Variants in PLXNA4 observed in about 807,000 individuals in gnomAD.
PLXNA4 encodes the protein plexin-A4.
PLXNA4 carries 44 observed loss-of-function variants against 191.8 expected under a neutral mutation model. That is an observed-to-expected ratio of 0.23 (90% confidence interval 0.18 to 0.29). The LOEUF (loss-of-function observed/expected upper bound fraction) is 0.29, where lower values mean the gene tolerates loss of function less well. Ranked by LOEUF, PLXNA4 falls within the 10% of genes least tolerant of loss-of-function variation. The pLI is 1.00. For missense variants in PLXNA4, 1,800 were observed against 2,488.8 expected (o/e 0.72, Z 5.89); for synonymous variants, 1,082 against 1,009.5 (o/e 1.07, Z -1.36).
At chr7:132,325,153 T>C (rs1343858197) in intron 3 of PLXNA4, among the ~76,000 whole-genome samples, 1 of 152,186 alleles carries the variant, frequency 6.6e-6, no homozygotes, top group Non-Finnish European at 1.5e-5. Flanking sequence ...AAACCCTCAT[T>C]CTGTGGCTCA....
chr7:132,595,508 G>C (rs983560614), intron 2 of PLXNA4, among the ~76,000 whole-genome samples: 2 of 152,160 alleles, frequency 1.3e-5, no homozygotes, highest in African/African-American at 4.8e-5. Flanking sequence ...TCACCAATGA[G>C]TGCTCCAGAG....
chr7:132,474,214 TCA>T (rs56832356), intron 3 of PLXNA4, among the ~76,000 whole-genome samples: 16,907 of 139,986 alleles, frequency 0.12, 871 homozygotes, highest in Middle Eastern at 0.14. Flanking sequence ...TCTCTCTGTC[TCA>T]CACACACACA....
intron 3 of PLXNA4, among the ~76,000 whole-genome samples, chr7:132,381,091 T>C (rs963326544): frequency 2.0e-5 from 3 of 152,282 alleles, no homozygotes; most frequent in Non-Finnish European, 2.9e-5. Context: ...TACAAGATTA[T>C]GGAGTATCTC....
intron 2 of PLXNA4, among the ~76,000 whole-genome samples, chr7:132,593,105 G>A (rs770779074): frequency 2.0e-5 from 3 of 152,276 alleles, no homozygotes; most frequent in South Asian, 2.1e-4. Context: ...ATGATATAGC[G>A]CTTATCTGTT....
chr7:132,508,776 C>G lies in PLXNA4; in HGVS notation c.-83G>C, dbSNP rs1488188397. The G allele has an allele frequency of 3.5e-6, 5 of 1,436,890 alleles. No homozygotes were observed. The Admixed American group carries it at 1.4e-4, about 41-fold the overall frequency. 89.0% of individuals were successfully genotyped at this position (1,436,890 alleles called of 1,614,324 possible). On this transcript the variant is annotated 5_prime_UTR_variant, in exon 2 of 32. Transcript: ENST00000321063. This position sits in a 1 kb window ranked among gnomAD's most constrained non-coding sequence, Gnocchi z 4.4. ...GCCAGGACTCAGCAATGCAGTCTCC[C>G]CTACTGGAGAAAGGGAAGACAATGA...
intron 3 of PLXNA4, among the ~76,000 whole-genome samples, chr7:132,318,349 C>G (rs534621805): frequency 6.6e-6 from 1 of 152,308 alleles, no homozygotes; most frequent in East Asian, 1.9e-4. Flanking sequence ...GCAATACTGC[C>G]CAGAACCCAG....
Position 132,125,024 on chromosome 7 carries a change from A to G in PLXNA4, c.*5455T>C, listed in dbSNP as rs1382242609. On this transcript the variant is annotated 3_prime_UTR_variant, in exon 32 of 32. Coordinates refer to ENST00000321063, the MANE Select transcript of PLXNA4 (RefSeq NM_020911.2). Reference sequence around the variant, plus strand: ...TAATAAAATAATTTTATGGGGGAGCAAAAATTTGTAGTAAAAAAAAAAAAA... The same window carrying G: ...TAATAAAATAATTTTATGGGGGAGCGAAAATTTGTAGTAAAAAAAAAAAAA... The G allele has an allele frequency of 1.3e-5, 2 of 151,958 alleles. No homozygotes were observed. The highest frequency in any genetic ancestry group is 1.3e-4 in the Admixed American group (2 of 15,230). The allele number at this position is 151,958 out of a possible 1,614,324, so 9.4% of individuals were successfully genotyped here.
At chr7:132,164,857 G>C (rs1796056257) in intron 23 of PLXNA4, among the ~76,000 whole-genome samples, 1 of 152,228 alleles carries the variant, frequency 6.6e-6, no homozygotes. Context: ...CTTCAAAGGA[G>C]GATTCAGCTT....
At chr7:132,261,762 A>G (rs1799654199) in intron 4 of PLXNA4, among the ~76,000 whole-genome samples, 1 of 152,194 alleles carries the variant, frequency 6.6e-6, no homozygotes, top group African/African-American at 2.4e-5. Context: ...TCCTCTGGGT[A>G]GCAGCCACTC....
At chr7:132,160,403 C>T (rs1057174344) in intron 24 of PLXNA4, among the ~76,000 whole-genome samples, 1 of 152,192 alleles carries the variant, frequency 6.6e-6, no homozygotes, top group Non-Finnish European at 1.5e-5. Flanking sequence ...AACTGCTTCA[C>T]CAAATTATCT....
chr7:132,159,738 C>T, intron 24 of PLXNA4, 106 bp from the exon 25 acceptor site: 1 of 1,532,966 alleles, frequency 6.5e-7, no homozygotes, highest in Non-Finnish European at 8.8e-7. Context: ...TCATCCTCTC[C>T]AGGATGGGCT....
intron 3 of PLXNA4, 75 bp downstream of exon 3, chr7:132,489,217 G>T (rs1420607993): frequency 2.1e-6 from 3 of 1,449,396 alleles, no homozygotes; most frequent in Non-Finnish European, 2.8e-6. Flanking sequence ...TTAGCAAAAA[G>T]ATGTAAGATA....
rs1562884878 is a variant in PLXNA4, at chr7:132,151,310, G to GA, written c.4661-2665dup. ...GAGGAGGAAGAAGAAGGAGGAGGAAGAAGGAGGAGGAGGAGGAAGAAGAAG... is the reference window on the plus strand; with the variant it reads ...GAGGAGGAAGAAGAAGGAGGAGGAAGAAAGGAGGAGGAGGAGGAAGAAGAAG... On this transcript the variant is annotated intron_variant, in intron 25 of 31. Coordinates refer to ENST00000321063, the MANE Select transcript of PLXNA4 (RefSeq NM_020911.2). 5.6e-3 allele frequency among the ~76,000 whole-genome samples: 200 copies of GA among 35,454 alleles called. 17 individuals carry two copies. Among genetic ancestry groups the GA allele is most frequent in the Middle Eastern group, 0.037 (2 of 54 alleles). The allele number at this position is 35,454 out of a possible 152,430, so 23.3% of individuals were successfully genotyped here. A position where few individuals can be genotyped will look rare whatever the true frequency, so the allele number is the denominator to read the frequency against.
intron 2 of PLXNA4, among the ~76,000 whole-genome samples, chr7:132,498,609 A>T (rs776014284): frequency 8.5e-5 from 13 of 152,120 alleles, no homozygotes; most frequent in Non-Finnish European, 1.5e-4. Flanking sequence ...AAACCATGAG[A>T]GTATGCATGG....
intron 3 of PLXNA4, among the ~76,000 whole-genome samples, chr7:132,325,735 G>C (rs1366480041): frequency 6.6e-6 from 1 of 152,156 alleles, no homozygotes; most frequent in Non-Finnish European, 1.5e-5. Flanking sequence ...AGGACTGTGA[G>C]AGAATAAACT....
At chr7:132,283,561 G>A (rs991933388) in intron 4 of PLXNA4, among the ~76,000 whole-genome samples, 6 of 152,076 alleles carry the variant, frequency 3.9e-5, no homozygotes, top group South Asian at 2.1e-4. Context: ...TCCCCAAATC[G>A]CAAGAAGAAC....
intron 3 of PLXNA4, among the ~76,000 whole-genome samples, chr7:132,466,364 C>T (rs562914051): frequency 6.8e-4 from 103 of 152,316 alleles, no homozygotes; most frequent in African/African-American, 2.4e-3. Context: ...CAAATCCTGC[C>T]TCCAGAGCCT....
intron 2 of PLXNA4, among the ~76,000 whole-genome samples, chr7:132,592,569 T>C (rs1054683548): frequency 1.3e-5 from 2 of 151,452 alleles, no homozygotes; most frequent in African/African-American, 4.8e-5. Context: ...AAAACCCACA[T>C]TAAATTCTCG....
intron 3 of PLXNA4, among the ~76,000 whole-genome samples, chr7:132,404,176 T>A (rs1794115750): frequency 6.6e-6 from 1 of 152,158 alleles, no homozygotes; most frequent in African/African-American, 2.4e-5. Flanking sequence ...AATAGCTCCA[T>A]GAGAAGGCTG....
Sources: gnomAD v4.1 joint callset for allele counts (sites outside exome capture counted in the v4.1 genomes callset) on GRCh38, gnomAD v4.1.1 for gene constraint, Gnocchi (gnomAD v3.1) non-coding constraint, MANE v1.5 for transcripts, NCBI Gene and HGNC (gene_info 2026-07-23, HGNC 2026-07-21) for gene names.